The following FAR2 variants were observed in gnomAD, a reference collection of about 807,000 sequenced individuals.
FAR2 encodes the protein fatty acyl-CoA reductase 2.
A neutral mutation model predicts 56.0 loss-of-function variants in FAR2; 19 were observed. The ratio of observed to expected loss-of-function variants is 0.34; its 90% CI spans 0.24 to 0.50. FAR2 has a LOEUF of 0.50. Among genes scored for constraint, FAR2 ranks in the 20% least tolerant of loss-of-function variants. The pLI is 0.98. For synonymous variants in FAR2, 219 were observed against 218.8 expected (o/e 1.00, Z -0.01); for missense variants, 508 against 642.2 (o/e 0.79, Z 2.26).
intron 10 of FAR2, among the ~76,000 whole-genome samples, chr12:29,322,968 G>T (rs1347031257): frequency 1.3e-5 from 2 of 152,226 alleles, no homozygotes; most frequent in Non-Finnish European, 2.9e-5. Context: ...GCACTCCCCA[G>T]TGAGATGAAC....
At chr12:29,184,629 G>C (rs1044491322) in intron 1 of FAR2, among the ~76,000 whole-genome samples, 1 of 151,570 alleles carries the variant, frequency 6.6e-6, no homozygotes, top group South Asian at 2.1e-4. Flanking sequence ...TAGAGACAGG[G>C]TTTCACCATG....
intron 1 of FAR2, among the ~76,000 whole-genome samples, chr12:29,260,433 G>A (rs759378006): frequency 2.0e-5 from 3 of 152,180 alleles, no homozygotes; most frequent in Non-Finnish European, 4.4e-5. Flanking sequence ...GAAGATACTG[G>A]CTTATGTTTT....
chr12:29,293,904 CACTGCAATGA>C, intron 3 of FAR2, among the ~76,000 whole-genome samples: 1 of 152,246 alleles, frequency 6.6e-6, no homozygotes, highest in South Asian at 2.1e-4. Context: ...CTATTAACAA[CACTGCAATGA>C]ACATCTGTGT....
chr12:29,270,243 T>G (rs1021597929), intron 1 of FAR2, among the ~76,000 whole-genome samples, 169 bp from the exon 2 acceptor site: 1 of 152,212 alleles, frequency 6.6e-6, no homozygotes, highest in Non-Finnish European at 1.5e-5. Context: ...GAGAACTCAA[T>G]AAATATTGAT....
At chr12:29,311,185 G>A in intron 7 of FAR2, 39 bp downstream of exon 7, 1 of 1,397,634 alleles carries the variant, frequency 7.2e-7, no homozygotes, top group East Asian at 2.3e-5. Flanking sequence ...ACTTCATGAG[G>A]GGCAGAGTGA....
intron 1 of FAR2, among the ~76,000 whole-genome samples, chr12:29,172,574 C>T (rs558460472): frequency 4.6e-5 from 7 of 152,210 alleles, no homozygotes; most frequent in South Asian, 2.1e-4. Context: ...TATTATAGAA[C>T]GCTGAGGTTG....
At chr12:29,226,770 T>C (rs1187617894) in intron 1 of FAR2, among the ~76,000 whole-genome samples, 1 of 152,186 alleles carries the variant, frequency 6.6e-6, no homozygotes. Flanking sequence ...TAACCATGCT[T>C]TTTTGTGTGA....
chr12:29,309,724 T>C (rs1255882651), intron 6 of FAR2: 1 of 152,664 alleles, frequency 6.6e-6, no homozygotes, highest in Non-Finnish European at 1.5e-5. Context: ...ATTTTTCAAA[T>C]ACAAAAATCC....
chr12:29,282,974 C>A (rs1948810890), intron 2 of FAR2, among the ~76,000 whole-genome samples: 1 of 151,386 alleles, frequency 6.6e-6, no homozygotes, highest in Non-Finnish European at 1.5e-5. Flanking sequence ...GAATTAATGG[C>A]AGGATTCTTG....
chr12:29,310,260 T>C (rs1175569551), intron 6 of FAR2, among the ~76,000 whole-genome samples: 1 of 152,224 alleles, frequency 6.6e-6, no homozygotes, highest in Non-Finnish European at 1.5e-5. Flanking sequence ...TCTAAATTGG[T>C]TTCTTATGTC....
chr12:29,215,460 T>G (rs996172714), intron 1 of FAR2, among the ~76,000 whole-genome samples: 1 of 152,220 alleles, frequency 6.6e-6, no homozygotes, highest in Admixed American at 6.5e-5. Context: ...GCATCTTTCA[T>G]TTGTACATTA....
intron 1 of FAR2, among the ~76,000 whole-genome samples, chr12:29,252,255 G>A (rs1467512914): frequency 6.6e-6 from 1 of 152,120 alleles, no homozygotes; most frequent in African/African-American, 2.4e-5. Context: ...TGTAATTAAG[G>A]TCAATGGAAA....
chr12:29,229,378 A>G (rs1196604733), intron 1 of FAR2, among the ~76,000 whole-genome samples: 1 of 152,206 alleles, frequency 6.6e-6, no homozygotes, highest in South Asian at 2.1e-4. Context: ...ACCTGCTGAC[A>G]ACTTCATCTC....
At chr12:29,176,393 A>T (rs1284888771) in intron 1 of FAR2, among the ~76,000 whole-genome samples, 1 of 152,212 alleles carries the variant, frequency 6.6e-6, no homozygotes, top group Non-Finnish European at 1.5e-5. Context: ...TTTGAATGAG[A>T]ACAGTGAAAG....
At chr12:29,267,745 G>T (rs1948542962) in intron 1 of FAR2, among the ~76,000 whole-genome samples, 1 of 152,150 alleles carries the variant, frequency 6.6e-6, no homozygotes, top group Non-Finnish European at 1.5e-5. Flanking sequence ...TCAACAAAGG[G>T]AGCTCAAACA....
Position 29,286,171 on chromosome 12 carries a change from T to C in FAR2, c.190-7129T>C, listed in dbSNP as rs186792552. 1.8e-4 allele frequency among the ~76,000 whole-genome samples: 27 copies of C among 152,272 alleles called. No homozygotes were observed. The East Asian group carries it at 4.4e-3, about 25-fold the overall frequency. The stretch of plus-strand genomic sequence containing the variant: ...TGTGGAAGTAGAAAGGGAATTTTCC[T>C]ATTATTAGGGAACTACAAAGCGGTG... On this transcript the variant is annotated intron_variant, in intron 2 of 11. Coordinates refer to ENST00000536681, the MANE Select transcript of FAR2 (RefSeq NM_001271783.2).
At chr12:29,191,950 G>T (rs938118333) in intron 1 of FAR2, among the ~76,000 whole-genome samples, 1 of 151,904 alleles carries the variant, frequency 6.6e-6, no homozygotes, top group Non-Finnish European at 1.5e-5. Flanking sequence ...CTTGTATAGA[G>T]ACTACTACTC....
intron 2 of FAR2, among the ~76,000 whole-genome samples, chr12:29,274,205 C>T (rs1948667990): frequency 8.3e-6 from 1 of 120,996 alleles, no homozygotes; most frequent in East Asian, 3.0e-4. Flanking sequence ...CCCCCCACCC[C>T]ACAACAGGCC....
intron 1 of FAR2, among the ~76,000 whole-genome samples, chr12:29,259,543 C>T (rs910340885): frequency 1.3e-5 from 2 of 152,152 alleles, no homozygotes; most frequent in Non-Finnish European, 2.9e-5. Context: ...ATGCTGAAAC[C>T]TGCAACAAAT....
Sources: gnomAD v4.1 joint callset for allele counts (sites outside exome capture counted in the v4.1 genomes callset) on GRCh38, gnomAD v4.1.1 for gene constraint, MANE v1.5 for transcripts, NCBI Gene and HGNC (gene_info 2026-07-23, HGNC 2026-07-21) for gene names.